The following F11 variants were observed in gnomAD, a reference collection of about 807,000 sequenced individuals.
F11 encodes the protein coagualtion factor XI.
A neutral mutation model predicts 76.5 loss-of-function variants in F11; 78 were observed. The ratio of observed to expected loss-of-function variants is 1.02; its 90% CI spans 0.85 to 1.23. F11 has a LOEUF of 1.23. Among genes scored for constraint, F11 ranks in the 50% most tolerant of loss-of-function variants. The pLI is 0.00. For synonymous variants in F11, 278 were observed against 276.3 expected, an observed-to-expected ratio of 1.01 and a Z score of -0.06; for missense variants, 742 against 771.4, an observed-to-expected ratio of 0.96 and a Z score of 0.45.
chr4:186,279,967 T>C, intron 7 of F11, 45 bp from the exon 8 acceptor site: 3 of 1,413,016 alleles, frequency 2.1e-6, no homozygotes, highest in Non-Finnish European at 2.0e-6. Context: ...AATGTTTTTA[T>C]GTGTTTGATA....
At chr4:186,283,290 A>T (rs1740932880) in intron 10 of F11, among the ~76,000 whole-genome samples, 1 of 152,048 alleles carries the variant, frequency 6.6e-6, no homozygotes, top group African/African-American at 2.4e-5. Context: ...CTGTCTACGA[A>T]CACCCTATTC....
In F11 at chr4:186,287,720, C is replaced by T. The variant is rs139695003; in HGVS notation, c.1613C>T (p.Pro538Leu). ...IQNTLQKAKIPLVTNEECQKR... is the reference protein window; with the variant it reads ...IQNTLQKAKILLVTNEECQKR... Reference sequence around the variant, plus strand: ...AATACTCTCCAGAAAGCCAAGATACCCTTAGTGACCAACGAAGAGTGCCAG... The same window carrying T: ...AATACTCTCCAGAAAGCCAAGATACTCTTAGTGACCAACGAAGAGTGCCAG... Residue 538 changes from proline (P) to leucine (L), a missense_variant, in exon 14 of 15, where the codon CCC becomes CTC. Physicochemically the swap from Pro to Leu is moderately conservative, Grantham distance 98. Transcript: ENST00000403665. 1.9e-4 allele frequency: 313 copies of T among 1,612,918 alleles called. No individual in the cohort carries two copies. Among genetic ancestry groups the T allele is most frequent in the Non-Finnish European group, 2.6e-4 (304 of 1,179,642 alleles).
At chr4:186,272,218 A>G (rs906981568) in intron 3 of F11, among the ~76,000 whole-genome samples, 2 of 152,192 alleles carry the variant, frequency 1.3e-5, no homozygotes, top group African/African-American at 4.8e-5. Context: ...TGTTTGCTAT[A>G]TTTGTACAGC....
intron 2 of F11, among the ~76,000 whole-genome samples, chr4:186,267,652 G>T (rs4253400): frequency 0.013 from 1,993 of 152,202 alleles, 23 homozygotes; most frequent in Non-Finnish European, 0.02. Context: ...TGTCACATCT[G>T]CTAAATTTGT....
chr4:186,286,260 G>A, intron 12 of F11, 155 bp from the exon 13 acceptor site: 1 of 726,502 alleles, frequency 1.4e-6, no homozygotes, highest in Non-Finnish European at 2.4e-6. Flanking sequence ...GCGATATCGT[G>A]CTGAACCTGA....
At chr4:186,271,888 G>A in intron 3 of F11, 117 bp downstream of exon 3, 2 of 1,178,172 alleles carry the variant, frequency 1.7e-6, no homozygotes, top group Non-Finnish European at 2.5e-6. Context: ...AAGATAAATT[G>A]TCTTTCAGTT....
At chr4:186,267,283 G>A (rs1219988682) in intron 2 of F11, 92 bp downstream of exon 2, 36 of 873,340 alleles carry the variant, frequency 4.1e-5, no homozygotes, top group African/African-American at 1.7e-5. Context: ...CATTTATGCC[G>A]GGAAGGAAAT....
chr4:186,287,876 C>A, intron 14 of F11, 53 bp downstream of exon 14: 1 of 1,577,832 alleles, frequency 6.3e-7, no homozygotes, highest in Non-Finnish European at 8.7e-7. Context: ...ATGCTTAATG[C>A]GTTGGGGTTT....
intron 7 of F11, among the ~76,000 whole-genome samples, chr4:186,278,456 A>C (rs1184643789): frequency 2.0e-5 from 3 of 152,236 alleles, no homozygotes; most frequent in South Asian, 2.1e-4. Flanking sequence ...TGGGGATACC[A>C]TTTAGTGAAC....
rs998515313 is a variant in F11, at chr4:186,281,850, T to C, written c.1135+1270T>C. On this transcript the variant is annotated intron_variant, in intron 10 of 14. Coordinates refer to ENST00000403665, the MANE Select transcript of F11 (RefSeq NM_000128.4). ...ACCGAGAAGGCGAATCAATCCTTAA[T>C]TTCTGAGAACTTGTTTTGTAGAACA... 4 of 1,199,192 alleles carry C rather than the reference T, an allele frequency of 3.3e-6. No homozygotes were observed. In the African/African-American group the frequency reaches 4.7e-5, roughly 14 times the overall value. The allele number at this position is 1,199,192 out of a possible 1,614,324, so 74.3% of individuals were successfully genotyped here.
At chr4:186,274,391 CTATAATAGT>C in intron 5 of F11, 116 bp downstream of exon 5, 1 of 1,312,596 alleles carries the variant, frequency 7.6e-7, no homozygotes, top group Non-Finnish European at 1.1e-6. Context: ...AAAGACATTT[CTATAATAGT>C]ACTCCTAGTT....
intron 11 of F11, among the ~76,000 whole-genome samples, chr4:186,284,906 T>C (rs531484891): frequency 4.3e-4 from 66 of 152,264 alleles, no homozygotes; most frequent in African/African-American, 1.5e-3. Flanking sequence ...GTTACTACAG[T>C]GCCACTGTGC....
In F11 at chr4:186,280,550, T is replaced by C; in HGVS notation, c.1105T>C (p.Tyr369His). 1.2e-6 allele frequency: 2 copies of C among 1,614,098 alleles called. No homozygotes were observed. Among genetic ancestry groups the C allele is most frequent in the Non-Finnish European group, 1.7e-6 (2 of 1,179,936 alleles). The part of the protein sequence containing the change: ...ILHGRGGISG[Y>H]TLRLCKMDNE... ...TCACGGGAGAGGAGGCATCTCTGGA[T>C]ACACATTAAGGTTGTGTAAAATGGA... Residue 369 changes from tyrosine to histidine, a missense_variant, in exon 10 of 15, where the codon TAC becomes CAC. Transcript: ENST00000403665.
rs771118219 is a variant in F11, at chr4:186,274,129, C to G, written c.339C>G (p.Asp113Glu). 5 of 1,614,132 alleles carry G rather than the reference C, an allele frequency of 3.1e-6. No individual in the cohort carries two copies. ...TTTTATTTCCAGCTTGCAACAAAGA[C>G]ATTTATGTGGACCTAGACATGAAGG... ...CSHQISACNKDIYVDLDMKGI... is the reference protein window; with the variant it reads ...CSHQISACNKEIYVDLDMKGI... Residue 113 changes from aspartate to glutamate, a missense_variant, in exon 5 of 15, where the codon GAC (aspartate) becomes GAG (glutamate). Transcript: ENST00000403665.
intron 5 of F11, chr4:186,274,860 A>C (rs1237164374): frequency 3.5e-5 from 6 of 171,334 alleles, no homozygotes; most frequent in Non-Finnish European, 7.6e-5. Flanking sequence ...GAGATGATTT[A>C]GATTTTCATA....
At chr4:186,270,244 G>A (rs1364560791) in intron 2 of F11, among the ~76,000 whole-genome samples, 1 of 152,154 alleles carries the variant, frequency 6.6e-6, no homozygotes, top group Non-Finnish European at 1.5e-5. Context: ...GTTCGCAAAA[G>A]CAGATGAACT....
At chr4:186,282,699 C>T in intron 10 of F11, 1 of 985,386 alleles carries the variant, frequency 1.0e-6, no homozygotes, top group Non-Finnish European at 1.2e-6. Context: ...TCCCACCTTG[C>T]AGAAATTCCA....
intron 6 of F11, 131 bp downstream of exon 6, chr4:186,276,027 A>G: frequency 2.1e-6 from 2 of 937,938 alleles, no homozygotes; most frequent in Non-Finnish European, 3.3e-6. Context: ...TTCATGTGAT[A>G]GATTTCATCA....
At chr4:186,287,587 T>A in intron 13 of F11, 97 bp from the exon 14 acceptor site, 1 of 453,604 alleles carries the variant, frequency 2.2e-6, no homozygotes, top group Non-Finnish European at 3.2e-6. Context: ...CCGTCTCAAT[T>A]AAAAATATAT....
Sources: allele counts gnomAD v4.1 joint callset (sites outside exome capture counted in the v4.1 genomes callset), GRCh38; gene constraint gnomAD v4.1.1; transcripts MANE v1.5; gene names NCBI Gene and HGNC (gene_info 2026-07-23, HGNC 2026-07-21).